NCOA2: variants seen among roughly 807,000 people sequenced by gnomAD.
NCOA2 encodes class E basic helix-loop-helix protein 75.
NCOA2 carries 21 observed loss-of-function variants against 145.1 expected under a neutral mutation model. That is an observed-to-expected ratio of 0.14 (90% CI 0.10 to 0.21). The LOEUF (loss-of-function observed/expected upper bound fraction) is 0.21, where lower values mean the gene tolerates loss of function less well. Among genes scored for constraint, NCOA2 ranks in the 10% least tolerant of loss-of-function variants. NCOA2 has a pLI of 1.00. For missense variants in NCOA2, 1,472 were observed against 1,837.6 expected, an observed-to-expected ratio of 0.80 and a Z score of 3.64; for synonymous variants, 619 against 637.5, an observed-to-expected ratio of 0.97 and a Z score of 0.44.
chr8:70,376,697 A>C (rs1045091980), intron 1 of NCOA2, among the ~76,000 whole-genome samples: 4 of 152,156 alleles, frequency 2.6e-5, no homozygotes, highest in African/African-American at 9.7e-5. Flanking sequence ...AAAATAGACC[A>C]ACAAAATTCA....
the NCOA2 span, among the ~76,000 whole-genome samples, chr8:70,443,403 A>G: frequency 6.6e-6 from 1 of 152,114 alleles, no homozygotes; most frequent in African/African-American, 2.4e-5. Context: ...TAGGTATAAT[A>G]TATTTATTAT....
chr8:70,189,415 T>C (rs868214092), intron 4 of NCOA2, among the ~76,000 whole-genome samples: 8 of 152,310 alleles, frequency 5.3e-5, no homozygotes, highest in South Asian at 2.1e-4. Flanking sequence ...CTCAAGATTG[T>C]CCAGTCTCTG....
At chr8:70,121,498 G>C in intron 21 of NCOA2, 107 bp from the exon 22 acceptor site, 1 of 796,468 alleles carries the variant, frequency 1.3e-6, no homozygotes, top group Non-Finnish European at 2.1e-6. Flanking sequence ...GTGTAAAAAC[G>C]GGGAAAAGGA....
the NCOA2 span, among the ~76,000 whole-genome samples, chr8:70,444,015 G>A: frequency 6.6e-6 from 1 of 152,218 alleles, no homozygotes; most frequent in South Asian, 2.1e-4. Context: ...ATTGTCCTAG[G>A]CATTTATTCC....
intron 2 of NCOA2, among the ~76,000 whole-genome samples, chr8:70,275,765 A>C (rs1825417276): frequency 6.6e-6 from 1 of 152,242 alleles, no homozygotes; most frequent in Non-Finnish European, 1.5e-5. Context: ...TCTTCTAGAG[A>C]ACTAGGATGG....
intron 1 of NCOA2, among the ~76,000 whole-genome samples, chr8:70,384,147 A>C (rs1812462765): frequency 6.6e-6 from 1 of 152,196 alleles, no homozygotes; most frequent in Non-Finnish European, 1.5e-5. Context: ...GATTAGATTT[A>C]ATTAAACTGT....
At chr8:70,397,987 A>G (rs1318576910) in intron 1 of NCOA2, among the ~76,000 whole-genome samples, 1 of 152,116 alleles carries the variant, frequency 6.6e-6, no homozygotes, top group Non-Finnish European at 1.5e-5. Flanking sequence ...CTCCCCAACC[A>G]AAAAAAGTGA....
intron 2 of NCOA2, among the ~76,000 whole-genome samples, chr8:70,234,191 A>G (rs1330507549): frequency 6.6e-6 from 1 of 152,180 alleles, no homozygotes; most frequent in East Asian, 1.9e-4. Context: ...ATGTATCAGT[A>G]CTTCATTTCT....
At chr8:70,327,788 A>C (rs957234761) in intron 1 of NCOA2, among the ~76,000 whole-genome samples, 1 of 152,228 alleles carries the variant, frequency 6.6e-6, no homozygotes, top group Non-Finnish European at 1.5e-5. Flanking sequence ...CTGAATGTAG[A>C]TAGATGGAGA....
the NCOA2 span, among the ~76,000 whole-genome samples, chr8:70,423,641 C>T: frequency 0.14 from 20,573 of 152,050 alleles, 1,646 homozygotes; most frequent in East Asian, 0.33. Flanking sequence ...AGAACATGAC[C>T]GAAGGCTGAC....
chr8:70,403,356 C>A (rs1156485894), intron 1 of NCOA2, among the ~76,000 whole-genome samples: 1 of 151,174 alleles, frequency 6.6e-6, no homozygotes, highest in Non-Finnish European at 1.5e-5. Flanking sequence ...CCGCGGGCTG[C>A]AGCCTCCGCC....
At chr8:70,338,865 T>A (rs1215921361) in intron 1 of NCOA2, among the ~76,000 whole-genome samples, 1 of 152,054 alleles carries the variant, frequency 6.6e-6, no homozygotes, top group Admixed American at 6.6e-5. Flanking sequence ...ATTATCTCAA[T>A]ACACGCAGAA....
At chr8:70,340,955 T>C (rs544438954) in intron 1 of NCOA2, among the ~76,000 whole-genome samples, 1 of 151,228 alleles carries the variant, frequency 6.6e-6, no homozygotes, top group African/African-American at 2.4e-5. Flanking sequence ...TCAGGAAAAA[T>C]AGCTAATGAA....
intron 2 of NCOA2, among the ~76,000 whole-genome samples, chr8:70,257,547 A>G (rs1474248008): frequency 6.6e-6 from 1 of 152,230 alleles, no homozygotes; most frequent in Non-Finnish European, 1.5e-5. Context: ...GGATTAGAGA[A>G]GAGGGCAGGA....
At chr8:70,235,927 T>C (rs940458880) in intron 2 of NCOA2, among the ~76,000 whole-genome samples, 1 of 152,212 alleles carries the variant, frequency 6.6e-6, no homozygotes, top group Non-Finnish European at 1.5e-5. Flanking sequence ...TATAGTATCT[T>C]TGGTGGTATC....
chr8:70,148,047 C>T (rs955758039), intron 12 of NCOA2, among the ~76,000 whole-genome samples: 1 of 152,140 alleles, frequency 6.6e-6, no homozygotes, highest in Non-Finnish European at 1.5e-5. Flanking sequence ...AGGTCAGTCT[C>T]CCTGTCCAGT....
chr8:70,382,544 A>C (rs948484355), intron 1 of NCOA2, among the ~76,000 whole-genome samples: 1 of 152,352 alleles, frequency 6.6e-6, no homozygotes, highest in East Asian at 1.9e-4. Context: ...TTTTATCTAG[A>C]TACAAACAGC....
chr8:70,159,527 T>C lies in NCOA2; in HGVS notation c.1102A>G (p.Ile368Val). ...SQTTNEPQLV[I>V]SLHMLHREQN... The stretch of plus-strand genomic sequence containing the variant: ...TACCTGTGAAGCATATGTAAAGATA[T>C]TACAAGTTGAGGTTCATTAGTAGTC... Residue 368 changes from isoleucine (I) to valine (V), a missense_variant, in exon 10 of 23, where the codon ATA becomes GTA. Transcript: ENST00000452400. 1.2e-6 allele frequency: 2 copies of C among 1,610,182 alleles called. No homozygotes were observed. Among genetic ancestry groups the C allele is most frequent in the East Asian group, 2.2e-5 (1 of 44,858 alleles).
chr8:70,182,777 C>T (rs1451593554), intron 4 of NCOA2, among the ~76,000 whole-genome samples: 2 of 152,030 alleles, frequency 1.3e-5, no homozygotes, highest in East Asian at 3.9e-4. Context: ...TTATATAATC[C>T]AAATTCCTGC....
Sources: allele counts gnomAD v4.1 joint callset (sites outside exome capture counted in the v4.1 genomes callset), GRCh38; gene constraint gnomAD v4.1.1; transcripts MANE v1.5; gene names NCBI Gene and HGNC (gene_info 2026-07-23, HGNC 2026-07-21).